Variants in KSR2 observed in about 807,000 individuals in gnomAD.
KSR2 encodes the protein kinase suppressor of ras 2.
KSR2 carries 25 observed loss-of-function variants against 107.8 expected under a neutral mutation model. That is an observed-to-expected ratio of 0.23 (90% CI 0.17 to 0.32). The LOEUF is 0.32. Ranked by LOEUF, KSR2 falls within the 10% of genes least tolerant of loss-of-function variation. The pLI, the probability that KSR2 is intolerant of heterozygous loss-of-function variation, is 1.00. For synonymous variants in KSR2, 480 were observed against 507.0 expected, an observed-to-expected ratio of 0.95 and a Z score of 0.71; for missense variants, 887 against 1,268.9, an observed-to-expected ratio of 0.70 and a Z score of 4.57.
chr12:117,927,460 G>A (rs929230278), intron 1 of KSR2, among the ~76,000 whole-genome samples: 3 of 152,058 alleles, frequency 2.0e-5, no homozygotes, highest in African/African-American at 7.2e-5. Context: ...GGGAGGCCGA[G>A]GCAGGTGGAT....
At position 117,530,891 on chromosome 12, in the gene KSR2, C is replaced by T. The variant is rs540957541; in HGVS notation, c.1802+50G>A. On this transcript the variant is annotated intron_variant, in intron 12 of 19. Coordinates refer to ENST00000339824, the MANE Select transcript of KSR2 (RefSeq NM_173598.6). ...TAGGGAACCTGAGTGGATTGTAGGG[C>T]CAGGGCTGGGAAGCTTGGGAAAGGG... 3 of 1,513,120 alleles carry T rather than the reference C, an allele frequency of 2.0e-6. No homozygotes were observed. The South Asian group carries it at 3.4e-5, about 17-fold the overall frequency. The allele number at this position is 1,513,120 out of a possible 1,614,324, so 93.7% of individuals were successfully genotyped here. A position where few individuals can be genotyped will look rare whatever the true frequency, so the allele number is the denominator to read the frequency against.
chr12:117,864,402 G>C lies in KSR2; in HGVS notation c.181-3971C>G, dbSNP rs116513945. On this transcript the variant is annotated intron_variant, in intron 1 of 19. Transcript: ENST00000339824. ...CATACATATAGATATAAAAATAAATGTTGATGTAAATGTGTGTATATGTAT... is the reference window on the plus strand; with the variant it reads ...CATACATATAGATATAAAAATAAATCTTGATGTAAATGTGTGTATATGTAT... Among the ~76,000 whole-genome samples, 949 of 152,258 alleles carry C rather than the reference G, an allele frequency of 6.2e-3. 7 individuals are homozygous for C. Among genetic ancestry groups the C allele is most frequent in the African/African-American group, 0.022 (910 of 41,548 alleles).
intron 5 of KSR2, among the ~76,000 whole-genome samples, chr12:117,582,599 T>G (rs915540157): frequency 2.6e-5 from 4 of 152,202 alleles, no homozygotes; most frequent in Non-Finnish European, 4.4e-5. Flanking sequence ...TGAATAAAAG[T>G]GAGCATCACT....
intron 5 of KSR2, among the ~76,000 whole-genome samples, chr12:117,585,421 T>C (rs942985610): frequency 2.0e-5 from 3 of 152,220 alleles, no homozygotes; most frequent in Non-Finnish European, 4.4e-5. Context: ...TTAAGTTTAG[T>C]AGTTTGGTCT....
intron 3 of KSR2, among the ~76,000 whole-genome samples, chr12:117,854,935 T>A (rs1037191756): frequency 6.6e-6 from 1 of 152,122 alleles, no homozygotes; most frequent in Non-Finnish European, 1.5e-5. Flanking sequence ...TATACATATA[T>A]CCATTTGTCA....
intron 1 of KSR2, among the ~76,000 whole-genome samples, chr12:117,941,779 C>G (rs1896017122): frequency 6.7e-6 from 1 of 148,336 alleles, no homozygotes; most frequent in Admixed American, 6.9e-5. Flanking sequence ...GCATGTGCCA[C>G]CAGGCCTGGC....
chr12:117,962,392 C>T (rs1896685015), intron 1 of KSR2, among the ~76,000 whole-genome samples: 1 of 151,820 alleles, frequency 6.6e-6, no homozygotes, highest in African/African-American at 2.4e-5. Flanking sequence ...TAGCAAGCTA[C>T]AGCCCATGGG....
In KSR2 at chr12:117,968,951, GCTCCT is replaced by G; in HGVS notation, c.-701_-697del. 1 of 200,962 alleles carries G rather than the reference GCTCCT, an allele frequency of 5.0e-6. No individual in the cohort carries two copies. Among genetic ancestry groups the G allele is most frequent in the Non-Finnish European group, 1.0e-5 (1 of 96,690 alleles). 12.4% of individuals were successfully genotyped at this position (200,962 alleles called of 1,614,324 possible). On this transcript the variant is annotated 5_prime_UTR_variant, in exon 1 of 20. The change creates a premature stop within an existing upstream ORF in the 5' untranslated region. Coordinates refer to ENST00000339824, the MANE Select transcript of KSR2 (RefSeq NM_173598.6). ...TCCGGGGGTGACGGTTGCTGCAATC[GCTCCT>G]GCCTCGCTCCACACCGACATCTTGC...
intron 1 of KSR2, among the ~76,000 whole-genome samples, chr12:117,896,038 T>G (rs1220143811): frequency 6.6e-6 from 1 of 152,194 alleles, no homozygotes; most frequent in African/African-American, 2.4e-5. Context: ...CATCCTGGGC[T>G]AAGAGTGAAA....
At chr12:117,744,965 A>G (rs1306878053) in intron 4 of KSR2, among the ~76,000 whole-genome samples, 2 of 152,176 alleles carry the variant, frequency 1.3e-5, no homozygotes, top group Non-Finnish European at 2.9e-5. Flanking sequence ...CTAATTTAGC[A>G]TTTACTCTGT....
intron 3 of KSR2, among the ~76,000 whole-genome samples, chr12:117,826,883 CA>C (rs775709960): frequency 6.6e-6 from 1 of 151,854 alleles, no homozygotes; most frequent in Non-Finnish European, 1.5e-5. Context: ...CTCAGGAGTT[CA>C]AGACCAGCCT....
At chr12:117,715,421 C>T (rs1886942129) in intron 4 of KSR2, among the ~76,000 whole-genome samples, 1 of 152,128 alleles carries the variant, frequency 6.6e-6, no homozygotes, top group Non-Finnish European at 1.5e-5. Context: ...AGAAAGGTGC[C>T]CAAGCACTGG....
intron 5 of KSR2, among the ~76,000 whole-genome samples, chr12:117,601,295 T>TTGGG (rs1555220700): frequency 3.0e-5 from 4 of 134,458 alleles, no homozygotes; most frequent in African/African-American, 1.2e-4. Context: ...TCCAAGATCT[T>TTGGG]GGGGGGGGGG....
chr12:117,770,373 C>A (rs1372042287), intron 3 of KSR2, among the ~76,000 whole-genome samples: 1 of 152,102 alleles, frequency 6.6e-6, no homozygotes, highest in African/African-American at 2.4e-5. Context: ...GGCCAGCCAC[C>A]CGCTGAAGCC....
At chr12:117,876,099 G>T (rs893429476) in intron 1 of KSR2, among the ~76,000 whole-genome samples, 2 of 152,194 alleles carry the variant, frequency 1.3e-5, no homozygotes, top group African/African-American at 4.8e-5. Context: ...TGTTATTAAG[G>T]TTCTCGGGTG....
intron 5 of KSR2, among the ~76,000 whole-genome samples, chr12:117,611,872 C>A (rs933953008): frequency 3.9e-5 from 6 of 152,116 alleles, no homozygotes; most frequent in African/African-American, 1.4e-4. Flanking sequence ...CACAAAAGGA[C>A]AAATATTGTA....
At chr12:117,524,807 G>A (rs779485130) in intron 14 of KSR2, 45 bp downstream of exon 14, 7 of 1,551,188 alleles carry the variant, frequency 4.5e-6, no homozygotes, top group Non-Finnish European at 6.1e-6. Context: ...CATGCCAGAA[G>A]CAGAGTTTTG....
intron 14 of KSR2, chr12:117,517,809 G>GC: frequency 4.4e-6 from 2 of 455,302 alleles, no homozygotes; most frequent in Middle Eastern, 6.5e-4. Context: ...ATGTGCTCAG[G>GC]CCCCCCAACT....
At position 117,818,497 on chromosome 12, in the gene KSR2, C is replaced by T. The variant is rs183016498; in HGVS notation, c.472+36931G>A. Among the ~76,000 whole-genome samples, 12 of 152,328 alleles carry T rather than the reference C, an allele frequency of 7.9e-5. No individual in the cohort carries two copies. In the South Asian group the frequency reaches 1.0e-3, roughly 13 times the overall value. On this transcript the variant is annotated intron_variant, in intron 3 of 19. Transcript: ENST00000339824. ...GCTAAGAGACACAAACGACTCACAG[C>T]ACAGCCTATGGGTAAAAGGTTGGCT...
Sources: allele counts gnomAD v4.1 joint callset (sites outside exome capture counted in the v4.1 genomes callset), GRCh38; gene constraint gnomAD v4.1.1; transcripts MANE v1.5; gene names NCBI Gene and HGNC (gene_info 2026-07-23, HGNC 2026-07-21).